The following ATP2A3 variants were observed in gnomAD, a reference collection of about 807,000 sequenced individuals.
ATP2A3 encodes sarcoplasmic/endoplasmic reticulum calcium ATPase 3.
A neutral mutation model predicts 106.8 loss-of-function variants in ATP2A3; 61 were observed. That is an observed-to-expected ratio of 0.57 (90% CI 0.46 to 0.71). ATP2A3 has a LOEUF of 0.71. Among genes scored for constraint, ATP2A3 ranks in the 30% least tolerant of loss-of-function variants. The pLI is 0.00. For missense variants in ATP2A3, 1,201 were observed against 1,423.5 expected, an observed-to-expected ratio of 0.84 and a Z score of 2.52; for synonymous variants, 611 against 609.3, an observed-to-expected ratio of 1.00 and a Z score of -0.04.
Position 3,925,233 on chromosome 17 carries a change from A to G in ATP2A3, c.*189T>C. The stretch of plus-strand genomic sequence containing the variant: ...AGGAATTACAGACCTCCCAGGCCAG[A>G]AGGAAGTGGGGACAGAGACCCCAGG... On this transcript the variant is annotated 3_prime_UTR_variant, in exon 21 of 21. Coordinates refer to ENST00000397041, the MANE Select transcript of ATP2A3 (RefSeq NM_005173.4). This position sits in a 1 kb window ranked among gnomAD's most constrained non-coding sequence, Gnocchi z 4.2. 1 of 848,828 alleles carries G rather than the reference A, an allele frequency of 1.2e-6. No homozygotes were observed. Among genetic ancestry groups the G allele is most frequent in the Non-Finnish European group, 1.9e-6 (1 of 536,634 alleles). 52.6% of individuals were successfully genotyped at this position (848,828 alleles called of 1,614,324 possible).
At position 3,932,022 on chromosome 17, in the gene ATP2A3, T is replaced by C. The variant is rs534154890; in HGVS notation, c.2611-1588A>G. 7.8e-4 allele frequency among the ~76,000 whole-genome samples: 119 copies of C among 152,366 alleles called. 1 individual carries two copies. Among genetic ancestry groups the C allele is most frequent in the South Asian group, 7.7e-3 (37 of 4,830 alleles). ...AGGAAGAGAAATAAGCCTGGCTAGA[T>C]ATTTTAACAAAGAGATAGAGAATCT... On this transcript the variant is annotated intron_variant, in intron 17 of 20. Transcript: ENST00000397041.
rs150939125 is a variant in ATP2A3 at position 3,941,109 on chromosome 17, C to G, written c.1962G>C (p.Thr654=). Residue 654 remains threonine (T), a synonymous_variant, in exon 14 of 21, where the codon ACG becomes ACC. Coordinates refer to ENST00000397041, the MANE Select transcript of ATP2A3 (RefSeq NM_005173.4). ...GGCTGAGGTCATCAAACTCGCGGCC[C>G]GTGTAGGCCTTGCCCGCCACGTCTT... ...DTEDVAGKAY[T]GREFDDLSPE... is the part of the protein sequence containing the mutation. 1 of 1,613,996 alleles carries G rather than the reference C, an allele frequency of 6.2e-7. No individual in the cohort carries two copies. Among genetic ancestry groups the G allele is most frequent in the African/African-American group, 1.3e-5 (1 of 75,050 alleles).
chr17:3,951,274 G>A lies in ATP2A3; in HGVS notation c.440C>T (p.Pro147Leu), dbSNP rs751583256. The A allele has an allele frequency of 6.8e-6, 11 of 1,613,454 alleles. No homozygotes were observed. The East Asian group carries it at 1.8e-4, about 26-fold the overall frequency. Residue 147 changes from proline to leucine, a missense_variant, in exon 5 of 21, where the codon CCA (proline) becomes CTA (leucine). Around this residue, in one of 2 missense-constraint regions of ATP2A3, gnomAD observed 266 missense variants for 246.8 expected, o/e 1.08. Transcript: ENST00000397041. Reference sequence around the variant, plus strand: ...ACCTGCCACTTCTACAATGTCCCCTGGGACGATGTCCCGGGCACGGATCCT... The same window carrying A: ...ACCTGCCACTTCTACAATGTCCCCTAGGACGATGTCCCGGGCACGGATCCT... Reference protein sequence around the residue: ...VQRIRARDIVPGDIVEVAVGD... With the variant: ...VQRIRARDIVLGDIVEVAVGD...
rs1160088535 is a variant in ATP2A3 at position 3,943,373 on chromosome 17, G to A, written c.1419+18C>T. 6.2e-7 allele frequency: 1 copy of A among 1,612,940 alleles called. No individual in the cohort carries two copies. The highest frequency in any genetic ancestry group is 1.3e-5 in the African/African-American group (1 of 74,896). On this transcript the variant is annotated intron_variant, in intron 11 of 20. Coordinates refer to ENST00000397041, the MANE Select transcript of ATP2A3 (RefSeq NM_005173.4). ...CCCAGCCATGCAGCCGGAGGCCTGAGCCCCCAGCCCTGCTCACCGTGTTAC... is the reference window on the plus strand; with the variant it reads ...CCCAGCCATGCAGCCGGAGGCCTGAACCCCCAGCCCTGCTCACCGTGTTAC...
At chr17:3,942,576 G>A (rs1489662959) in intron 12 of ATP2A3, 30 bp downstream of exon 12, 1 of 1,604,544 alleles carries the variant, frequency 6.2e-7, no homozygotes, top group Non-Finnish European at 8.5e-7. Flanking sequence ...AGGGCGCGCA[G>A]GGGCCCAGGC....
Position 3,964,293 on chromosome 17 carries a change from C to A in ATP2A3, c.-2G>T. 3 of 1,255,028 alleles carry A rather than the reference C, an allele frequency of 2.4e-6. No individual in the cohort carries two copies. Among genetic ancestry groups the A allele is most frequent in the Admixed American group, 3.5e-5 (1 of 28,758 alleles). The allele number at this position is 1,255,028 out of a possible 1,614,324, so 77.7% of individuals were successfully genotyped here. ...CGGGAGCAGATGCGCCGCCTCCATG[C>A]CGCCCGCCCGGCCGTCTGCGCCGTC... On this transcript the variant is annotated 5_prime_UTR_variant, in exon 1 of 21. Coordinates refer to ENST00000397041, the MANE Select transcript of ATP2A3 (RefSeq NM_005173.4).
At position 3,955,127 on chromosome 17, in the gene ATP2A3, C is replaced by T. The variant is rs551568307; in HGVS notation, c.119-1417G>A. On this transcript the variant is annotated intron_variant, in intron 1 of 20. Coordinates refer to ENST00000397041, the MANE Select transcript of ATP2A3 (RefSeq NM_005173.4). This position sits in a 1 kb window ranked among gnomAD's most constrained non-coding sequence, Gnocchi z 4.2. ...CTCTTGCCACTCAAAGGACAGTCTC[C>T]GGACATCTGTGGCATCTCCCCGAAG... 1.1e-4 allele frequency among the ~76,000 whole-genome samples: 16 copies of T among 152,336 alleles called. No homozygotes were observed. Among genetic ancestry groups the T allele is most frequent in the Non-Finnish European group, 1.9e-4 (13 of 68,026 alleles).
rs1276625203 is a variant in ATP2A3 at position 3,955,654 on chromosome 17, G to A, written c.119-1944C>T. ...CATGCCCCAGCCTCGAATCAGGACA[G>A]CACTAACCTCATGGTGCGCATGGGT... On this transcript the variant is annotated intron_variant, in intron 1 of 20. Transcript: ENST00000397041. This position sits in a 1 kb window ranked among gnomAD's most constrained non-coding sequence, Gnocchi z 4.2. 2.6e-5 allele frequency among the ~76,000 whole-genome samples: 4 copies of A among 152,194 alleles called. No homozygotes were observed. Among genetic ancestry groups the A allele is most frequent in the Admixed American group, 2.6e-4 (4 of 15,282 alleles).
chr17:3,932,403 C>G (rs2144299836), intron 17 of ATP2A3, among the ~76,000 whole-genome samples: 1 of 152,172 alleles, frequency 6.6e-6, no homozygotes, highest in South Asian at 2.1e-4. Flanking sequence ...CTCGGCCTCC[C>G]AAAGTGCTGG....
At chr17:3,950,442 GCGTGAT>G in intron 7 of ATP2A3, 63 bp downstream of exon 7, 1 of 1,533,478 alleles carries the variant, frequency 6.5e-7, no homozygotes, top group Non-Finnish European at 9.0e-7. Context: ...GGGATTACAG[GCGTGAT>G]CATAATCCTA....
chr17:3,951,664 C>T lies in ATP2A3; in HGVS notation c.241G>A (p.Gly81Ser), dbSNP rs1385612506. ...ACGAAGGCGGTCGTGGTCTCCTCGC[C>T]CTCCTCGAACCAGGCCAGGACCTGC... Reference protein sequence around the residue: ...VSFVLAWFEEGEETTTAFVEP... With the variant: ...VSFVLAWFEESEETTTAFVEP... The change falls in exon 4 of 21, where the codon GGC (glycine) becomes AGC (serine). Residue 81 changes from glycine to serine, a missense_variant. Around this residue, in one of 2 missense-constraint regions of ATP2A3, gnomAD observed 266 missense variants for 246.8 expected, o/e 1.08. Transcript: ENST00000397041. 1 of 1,610,602 alleles carries T rather than the reference C, an allele frequency of 6.2e-7. No individual in the cohort carries two copies. Among genetic ancestry groups the T allele is most frequent in the Non-Finnish European group, 8.5e-7 (1 of 1,179,024 alleles).
rs1273576236 is a variant in ATP2A3, at chr17:3,929,870, CT to C, written c.2745-426del. Among the ~76,000 whole-genome samples the C allele has an allele frequency of 1.3e-5, 2 of 149,900 alleles. No homozygotes were observed. Among genetic ancestry groups the C allele is most frequent in the African/African-American group, 5.1e-5 (2 of 39,402 alleles). On this transcript the variant is annotated intron_variant, in intron 18 of 20. Transcript: ENST00000397041. The surrounding 1 kb of genome is among the most constrained non-coding windows in gnomAD (Gnocchi z 4.3). ...CCTCAGTCCTGGACTCCCCTGACCCCTGGAACCCAATCCTGGACCCTTGACC... is the reference window on the plus strand; with the variant it reads ...CCTCAGTCCTGGACTCCCCTGACCCCGGAACCCAATCCTGGACCCTTGACC...
chr17:3,938,799 A>T (rs2053584893), intron 14 of ATP2A3, among the ~76,000 whole-genome samples: 1 of 152,128 alleles, frequency 6.6e-6, no homozygotes. Context: ...AACCTCCGAA[A>T]GTGCTGGGAT....
chr17:3,936,188 C>T lies in ATP2A3; in HGVS notation c.2524+79G>A. 1 of 1,553,408 alleles carries T rather than the reference C, an allele frequency of 6.4e-7. No individual in the cohort carries two copies. Among genetic ancestry groups the T allele is most frequent in the Non-Finnish European group, 8.9e-7 (1 of 1,125,780 alleles). ...TACTGGCACAAGCCAGGCTGAGTCA[C>T]ACTGTCTGCAGCTTGCAAGCCTGAT... On this transcript the variant is annotated intron_variant, in intron 16 of 20. Coordinates refer to ENST00000397041, the MANE Select transcript of ATP2A3 (RefSeq NM_005173.4). This position sits in a 1 kb window ranked among gnomAD's most constrained non-coding sequence, Gnocchi z 5.4.
chr17:3,946,963 C>T (rs886696116), intron 8 of ATP2A3, among the ~76,000 whole-genome samples: 3 of 152,220 alleles, frequency 2.0e-5, no homozygotes, highest in Non-Finnish European at 4.4e-5. Flanking sequence ...CCCAGGTTAC[C>T]GGAGCTGGCT....
intron 20 of ATP2A3, chr17:3,927,691 T>A: frequency 2.0e-6 from 2 of 983,292 alleles, no homozygotes; most frequent in Non-Finnish European, 2.4e-6. Context: ...CCAGCAGGCT[T>A]GCCTTGGCTG....
intron 9 of ATP2A3, 100 bp from the exon 10 acceptor site, chr17:3,944,906 C>T (rs2054012610): frequency 3.7e-6 from 5 of 1,354,586 alleles, no homozygotes; most frequent in Non-Finnish European, 5.0e-6. Context: ...CCTCTTGGCC[C>T]CGCCCCCAGA....
rs1214808494 is a variant in ATP2A3, at chr17:3,962,881, G to A, written c.118+1293C>T. On this transcript the variant is annotated intron_variant, in intron 1 of 20. Coordinates refer to ENST00000397041, the MANE Select transcript of ATP2A3 (RefSeq NM_005173.4). ...CGCAGACCTGCCTGCGCCGGCCCTCGCCCCCAGCCCACCCCAGGGTCAGAG... is the reference window on the plus strand; with the variant it reads ...CGCAGACCTGCCTGCGCCGGCCCTCACCCCCAGCCCACCCCAGGGTCAGAG... Among the ~76,000 whole-genome samples, 5 of 152,216 alleles carry A rather than the reference G, an allele frequency of 3.3e-5. No individual in the cohort carries two copies. The East Asian group carries it at 7.7e-4, about 24-fold the overall frequency.
chr17:3,947,252 C>T lies in ATP2A3; in HGVS notation c.1095+139G>A. 1.9e-6 allele frequency: 2 copies of T among 1,053,570 alleles called. No homozygotes were observed. Among genetic ancestry groups the T allele is most frequent in the Non-Finnish European group, 2.8e-6 (2 of 708,760 alleles). 65.3% of individuals were successfully genotyped at this position (1,053,570 alleles called of 1,614,324 possible). On this transcript the variant is annotated intron_variant, in intron 8 of 20. Coordinates refer to ENST00000397041, the MANE Select transcript of ATP2A3 (RefSeq NM_005173.4). This position sits in a 1 kb window ranked among gnomAD's most constrained non-coding sequence, Gnocchi z 7.7. ...AGTCTCCCTGTCATCTTGTGAAAAC[C>T]TGGACCTGCTCTGGGCCAAGGGACA...
Sources: allele counts gnomAD v4.1 joint callset (sites outside exome capture counted in the v4.1 genomes callset), GRCh38; gene constraint gnomAD v4.1.1; regional missense constraint gnomAD v4.1.1; non-coding constraint Gnocchi (gnomAD v3.1); transcripts MANE v1.5; gene names NCBI Gene and HGNC (gene_info 2026-07-23, HGNC 2026-07-21).